PTPRQ: variants seen among roughly 807,000 people sequenced by gnomAD.
PTPRQ encodes the protein phosphatidylinositol phosphatase PTPRQ.
PTPRQ carries 199 observed loss-of-function variants against 246.0 expected under a neutral mutation model. That is an observed-to-expected ratio of 0.81 (90% CI 0.72 to 0.91). The LOEUF (loss-of-function observed/expected upper bound fraction) is 0.91, where lower values mean the gene tolerates loss of function less well. Among genes scored for constraint, PTPRQ ranks in the 40% least tolerant of loss-of-function variants. PTPRQ has a pLI of 0.00. For synonymous variants in PTPRQ, 869 were observed against 853.2 expected (o/e 1.02, Z -0.32); for missense variants, 2,624 against 2,528.4 (o/e 1.04, Z -0.81).
chr12:80,622,143 T>C lies in PTPRQ; in HGVS notation c.5686+9T>C, dbSNP rs935770035. On this transcript the variant is annotated intron_variant, in intron 33 of 44. Transcript: ENST00000644991. ...CCCTGTTAAGACTTTAGGTAAGACA[T>C]TTTTGTAATTCATTTATAATCTCAA... 1.4e-6 allele frequency: 2 copies of C among 1,399,774 alleles called. No individual in the cohort carries two copies. The highest frequency in any genetic ancestry group is 2.8e-5 in the East Asian group (1 of 35,210). The allele number at this position is 1,399,774 out of a possible 1,614,324, so 86.7% of individuals were successfully genotyped here.
intron 8 of PTPRQ, among the ~76,000 whole-genome samples, chr12:80,472,592 A>AT (rs969376192): frequency 1.3e-5 from 2 of 152,162 alleles, no homozygotes; most frequent in African/African-American, 2.4e-5. Context: ...TGTGGAATCT[A>AT]TTTTTTCTCA....
chr12:80,669,002 T>C lies in PTPRQ; in HGVS notation c.6193-5T>C, dbSNP rs1592778820. 2 of 1,548,366 alleles carry C rather than the reference T, an allele frequency of 1.3e-6. No individual in the cohort carries two copies. The highest frequency in any genetic ancestry group is 2.5e-5 in the East Asian group (1 of 40,810). ...GATGCAGTGTTTGTAATTATATCCT[T>C]CTAGGGTTATTTATGTCCAAATGAA... is the stretch of plus-strand genomic sequence containing the variant. On this transcript the variant is annotated splice_region_variant and splice_polypyrimidine_tract_variant and intron_variant, in intron 39 of 44. Coordinates refer to ENST00000644991, the MANE Select transcript of PTPRQ (RefSeq NM_001145026.2).
chr12:80,533,682 T>C (rs1895907667), intron 17 of PTPRQ, among the ~76,000 whole-genome samples: 1 of 152,086 alleles, frequency 6.6e-6, no homozygotes, highest in African/African-American at 2.4e-5. Flanking sequence ...GTTTGGACAA[T>C]GAAAACATCA....
Position 80,613,662 on chromosome 12 carries a change from G to C in PTPRQ, c.4989G>C (p.Thr1663=), listed in dbSNP as rs763243660. Residue 1663 remains threonine, a synonymous_variant, in exon 29 of 45, where the codon ACG becomes ACC. Coordinates refer to ENST00000644991, the MANE Select transcript of PTPRQ (RefSeq NM_001145026.2). ...IPDEVTKFQL[T]FLPPSQPNGN... The stretch of plus-strand genomic sequence containing the variant: ...ATGAAGTTACAAAATTTCAATTAAC[G>C]TTCCTTCCTCCTTCTCAACCTAATG... 62 of 1,544,904 alleles carry C rather than the reference G, an allele frequency of 4.0e-5. No homozygotes were observed. Among genetic ancestry groups the C allele is most frequent in the Non-Finnish European group, 5.3e-5 (60 of 1,142,758 alleles).
intron 3 of PTPRQ, among the ~76,000 whole-genome samples, chr12:80,455,807 G>C (rs1255328013): frequency 2.0e-5 from 3 of 151,842 alleles, no homozygotes; most frequent in Non-Finnish European, 4.4e-5. Flanking sequence ...CACTATGTTG[G>C]TCAGACTGGT....
In PTPRQ at chr12:80,616,262, C is replaced by A; in HGVS notation, c.5226C>A (p.Ile1742=). Residue 1742 remains isoleucine (I), a synonymous_variant, in exon 30 of 45, where the codon ATC becomes ATA. Transcript: ENST00000644991. ...PKVPMRITMD[I]KAPARPKTKP... is the part of the protein sequence containing the mutation. ...TTCCGATGAGAATAACCATGGATAT[C>A]AAAGGTACATACATGAGCTACCTTC... 1.3e-6 allele frequency: 2 copies of A among 1,483,252 alleles called. No homozygotes were observed. Among genetic ancestry groups the A allele is most frequent in the Non-Finnish European group, 1.8e-6 (2 of 1,114,728 alleles). The allele number at this position is 1,483,252 out of a possible 1,614,324, so 91.9% of individuals were successfully genotyped here. A position where few individuals can be genotyped will look rare whatever the true frequency, so the allele number is the denominator to read the frequency against.
At chr12:80,520,719 C>T (rs1283613688) in intron 17 of PTPRQ, among the ~76,000 whole-genome samples, 6 of 152,110 alleles carry the variant, frequency 3.9e-5, no homozygotes, top group Admixed American at 6.5e-5. Flanking sequence ...CATAGTATTC[C>T]GTGGTGTATA....
intron 26 of PTPRQ, among the ~76,000 whole-genome samples, 163 bp from the exon 27 acceptor site, chr12:80,604,896 T>A (rs1898258880): frequency 6.6e-6 from 1 of 151,546 alleles, no homozygotes; most frequent in Non-Finnish European, 1.5e-5. Flanking sequence ...AAGAATTGGA[T>A]CTTTTTATTT....
chr12:80,610,498 A>G lies in PTPRQ; in HGVS notation c.4791A>G (p.Ile1597Met). 1 of 1,531,706 alleles carries G rather than the reference A, an allele frequency of 6.5e-7. No homozygotes were observed. The highest frequency in any genetic ancestry group is 8.8e-7 in the Non-Finnish European group (1 of 1,134,926). 94.9% of individuals were successfully genotyped at this position (1,531,706 alleles called of 1,614,324 possible). A position where few individuals can be genotyped will look rare whatever the true frequency, so the allele number is the denominator to read the frequency against. The change falls in exon 28 of 45, where the codon ATA becomes ATG. Residue 1597 changes from isoleucine (I) to methionine (M), a missense_variant. Ile to Met is a conservative substitution (Grantham distance 10). Transcript: ENST00000644991. ...AGTCAAATGAAGAAAATAAAACCAT[A>G]GAAATTAAAGATTTAGAAATATTCA... ...FIKSNEENKT[I>M]EIKDLEIFTR...
chr12:80,544,730 C>T (rs1280778213), intron 23 of PTPRQ, among the ~76,000 whole-genome samples: 1 of 151,928 alleles, frequency 6.6e-6, no homozygotes, highest in Non-Finnish European at 1.5e-5. Flanking sequence ...GTTCTATTTT[C>T]CTTTCTCTTT....
rs570764477 is a variant in PTPRQ, at chr12:80,535,406, A to AT, written c.2985+377dup. Among the ~76,000 whole-genome samples, 5 of 151,972 alleles carry AT rather than the reference A, an allele frequency of 3.3e-5. No homozygotes were observed. The East Asian group carries it at 5.8e-4, about 18-fold the overall frequency. ...ATCCTCAAAGTTATTTATTAGCTAAATTTTTTTTCATTTGTTTGTATATGA... is the reference window on the plus strand; with the variant it reads ...ATCCTCAAAGTTATTTATTAGCTAAATTTTTTTTTCATTTGTTTGTATATGA... On this transcript the variant is annotated intron_variant, in intron 19 of 44. Transcript: ENST00000644991.
intron 8 of PTPRQ, among the ~76,000 whole-genome samples, chr12:80,475,737 C>T (rs192713175): frequency 2.9e-4 from 44 of 152,102 alleles, no homozygotes; most frequent in African/African-American, 1.0e-3. Flanking sequence ...ACCACTTAAT[C>T]TTTACCTGGA....
At position 80,534,537 on chromosome 12, in the gene PTPRQ, T is replaced by C. The variant is rs542425984; in HGVS notation, c.2840-355T>C. 3.9e-5 allele frequency among the ~76,000 whole-genome samples: 6 copies of C among 151,992 alleles called. No individual in the cohort carries two copies. In the East Asian group the frequency reaches 9.7e-4, roughly 24 times the overall value. On this transcript the variant is annotated intron_variant, in intron 18 of 44. Transcript: ENST00000644991. ...TGCATGAATCATTTGTCTATGACTTTTATTATTCAATATAAAAATTCTAAG... is the reference window on the plus strand; with the variant it reads ...TGCATGAATCATTTGTCTATGACTTCTATTATTCAATATAAAAATTCTAAG...
rs549610772 is a variant in PTPRQ at position 80,518,506 on chromosome 12, G to A, written c.2678+8063G>A. Among the ~76,000 whole-genome samples the A allele has an allele frequency of 2.1e-3, 319 of 152,024 alleles. 1 individual carries two copies. The highest frequency in any genetic ancestry group is 3.0e-3 in the Non-Finnish European group (201 of 67,928). On this transcript the variant is annotated intron_variant, in intron 17 of 44. Transcript: ENST00000644991. ...TAACTAGTTGTGATCCTGTTTGTCCGTTTTTGCTTTGGTTGCCTATGCTTG... is the reference window on the plus strand; with the variant it reads ...TAACTAGTTGTGATCCTGTTTGTCCATTTTTGCTTTGGTTGCCTATGCTTG...
chr12:80,493,411 A>T lies in PTPRQ; in HGVS notation c.1496A>T (p.Asn499Ile), dbSNP rs949723610. The T allele has an allele frequency of 1.6e-5, 25 of 1,549,958 alleles. No individual in the cohort carries two copies. Among genetic ancestry groups the T allele is most frequent in the Admixed American group, 3.9e-5 (2 of 50,914 alleles). ...ATATATAACAGCCATCCAGATAAAA[A>T]CTTTCCTGCAAGGAATAGAGCTGAA... ...TFIYNSHPDK[N>I]FPARNRAEDQ... Residue 499 changes from asparagine to isoleucine, a missense_variant, in exon 10 of 45, where the codon AAC becomes ATC. Physicochemically the swap from Asn to Ile is moderately radical, Grantham distance 149 (BLOSUM62 -3). Coordinates refer to ENST00000644991, the MANE Select transcript of PTPRQ (RefSeq NM_001145026.2).
intron 25 of PTPRQ, among the ~76,000 whole-genome samples, chr12:80,585,721 T>C (rs1176243687): frequency 6.6e-6 from 1 of 151,828 alleles, no homozygotes; most frequent in African/African-American, 2.4e-5. Flanking sequence ...GAATTTAGTA[T>C]CTTCTTTTTC....
At chr12:80,567,334 C>CT (rs1897008848) in intron 25 of PTPRQ, among the ~76,000 whole-genome samples, 1 of 152,036 alleles carries the variant, frequency 6.6e-6, no homozygotes, top group Non-Finnish European at 1.5e-5. Flanking sequence ...TATGGGAAAG[C>CT]TTTTTTCATG....
intron 30 of PTPRQ, among the ~76,000 whole-genome samples, chr12:80,618,776 T>G (rs1898862991): frequency 6.6e-6 from 1 of 151,498 alleles, no homozygotes; most frequent in African/African-American, 2.4e-5. Context: ...CCTGGTCACT[T>G]GGAAACATTT....
At chr12:80,558,230 C>G (rs551400869) in intron 25 of PTPRQ, among the ~76,000 whole-genome samples, 2 of 148,820 alleles carry the variant, frequency 1.3e-5, no homozygotes, top group South Asian at 4.2e-4. Context: ...TGCAGTGGTG[C>G]GATCTCGACT....
Sources: allele counts gnomAD v4.1 joint callset (sites outside exome capture counted in the v4.1 genomes callset), GRCh38; gene constraint gnomAD v4.1.1; transcripts MANE v1.5; gene names NCBI Gene and HGNC (gene_info 2026-07-23, HGNC 2026-07-21).